GUCY2C: variants seen among roughly 807,000 people sequenced by gnomAD.
GUCY2C encodes guanylyl cyclase C.
GUCY2C carries 118 observed loss-of-function variants against 131.1 expected under a neutral mutation model. The ratio of observed to expected loss-of-function variants is 0.90; its 90% CI spans 0.78 to 1.05. GUCY2C has a LOEUF of 1.05. Ranked by LOEUF, GUCY2C falls within the 50% of genes least tolerant of loss-of-function variation. GUCY2C has a pLI of 0.00. For missense variants in GUCY2C, 1,161 were observed against 1,304.4 expected (o/e 0.89, Z 1.69); for synonymous variants, 452 against 457.8 (o/e 0.99, Z 0.16).
intron 19 of GUCY2C, among the ~76,000 whole-genome samples, chr12:14,634,866 G>C (rs1947228718): frequency 6.6e-6 from 1 of 152,044 alleles, no homozygotes; most frequent in African/African-American, 2.4e-5. Flanking sequence ...AGAGACAAAG[G>C]TCATAGGTCA....
At chr12:14,669,006 T>G (rs1948043060) in intron 10 of GUCY2C, among the ~76,000 whole-genome samples, 1 of 152,154 alleles carries the variant, frequency 6.6e-6, no homozygotes, top group South Asian at 2.1e-4. Context: ...ATGTCAAGTA[T>G]TTCTTGCTGA....
At position 14,643,555 on chromosome 12, in the gene GUCY2C, C is replaced by T. The variant is rs147225893; in HGVS notation, c.1930+19G>A. The T allele has an allele frequency of 4.3e-6, 7 of 1,611,354 alleles. No homozygotes were observed. Among genetic ancestry groups the T allele is most frequent in the East Asian group, 2.2e-5 (1 of 44,844 alleles). ...AAAAATCAGTTAGGAAACTAGTGAA[C>T]ATTTCATTCATTACAGACCCTTTTT... On this transcript the variant is annotated intron_variant, in intron 17 of 26. Transcript: ENST00000261170.
At chr12:14,652,181 A>ATTTATTTT (rs1009915741) in intron 13 of GUCY2C, 151 bp from the exon 14 acceptor site, 11 of 235,648 alleles carry the variant, frequency 4.7e-5, no homozygotes, top group Non-Finnish European at 8.7e-5. Context: ...TTATTTATTT[A>ATTTATTTT]TTTATTTTTT....
intron 18 of GUCY2C, 51 bp downstream of exon 18, chr12:14,641,031 A>C (rs1363522408): frequency 6.3e-7 from 1 of 1,579,090 alleles, no homozygotes. Context: ...TAAGCCTAGA[A>C]AGCAGGTTGG....
At chr12:14,692,948 A>G (rs1280367083) in intron 1 of GUCY2C, among the ~76,000 whole-genome samples, 2 of 152,120 alleles carry the variant, frequency 1.3e-5, no homozygotes, top group Non-Finnish European at 2.9e-5. Flanking sequence ...TTTTACTTTT[A>G]TGTGTACTGC....
chr12:14,686,230 A>G lies in GUCY2C; in HGVS notation c.331-5T>C, dbSNP rs182209628. ...ACAGCCCATCCGTTGTGCATTCTGT[A>G]GGAGAGAAAACAACAATGAATTCCT... On this transcript the variant is annotated splice_region_variant and splice_polypyrimidine_tract_variant and intron_variant, in intron 2 of 26. Coordinates refer to ENST00000261170, the MANE Select transcript of GUCY2C (RefSeq NM_004963.4). 8.8e-4 allele frequency: 1,398 copies of G among 1,596,438 alleles called. 3 individuals carry two copies. The highest frequency in any genetic ancestry group is 9.5e-4 in the Non-Finnish European group (1,102 of 1,164,080).
chr12:14,622,509 C>G (rs537622902), intron 21 of GUCY2C, among the ~76,000 whole-genome samples: 1 of 152,166 alleles, frequency 6.6e-6, no homozygotes, highest in Non-Finnish European at 1.5e-5. Context: ...CATATACATA[C>G]TTGTCCACTT....
Position 14,623,076 on chromosome 12 carries a change from T to C in GUCY2C, c.2409-879A>G, listed in dbSNP as rs541088964. Among the ~76,000 whole-genome samples, 8 of 152,222 alleles carry C rather than the reference T, an allele frequency of 5.3e-5. No homozygotes were observed. In the East Asian group the frequency reaches 1.4e-3, roughly 26 times the overall value. Reference sequence around the variant, plus strand: ...TGGAAGCTGGGAGGTTCCACGGAAGTCATTGAAAAGAAATCTTTATTTTTA... The same window carrying C: ...TGGAAGCTGGGAGGTTCCACGGAAGCCATTGAAAAGAAATCTTTATTTTTA... On this transcript the variant is annotated intron_variant, in intron 21 of 26. Coordinates refer to ENST00000261170, the MANE Select transcript of GUCY2C (RefSeq NM_004963.4).
rs772736039 is a variant in GUCY2C, at chr12:14,619,624, A to C, written c.2777-315T>G. On this transcript the variant is annotated intron_variant, in intron 23 of 26. Coordinates refer to ENST00000261170, the MANE Select transcript of GUCY2C (RefSeq NM_004963.4). ...AAGGCTCTCAGGAAGGATGAAGATG[A>C]GCCCCACTGCTTGCTTACTGTGCCA... 5.5e-5 allele frequency: 15 copies of C among 275,156 alleles called. 1 individual carries two copies. Among genetic ancestry groups the C allele is most frequent in the Non-Finnish European group, 9.6e-5 (14 of 145,312 alleles). 17.0% of individuals were successfully genotyped at this position (275,156 alleles called of 1,614,324 possible). A position where few individuals can be genotyped will look rare whatever the true frequency, so the allele number is the denominator to read the frequency against.
chr12:14,689,898 C>T (rs1473503103), intron 1 of GUCY2C, among the ~76,000 whole-genome samples: 2 of 152,218 alleles, frequency 1.3e-5, no homozygotes, highest in African/African-American at 4.8e-5. Flanking sequence ...TTCCCTGCAG[C>T]TGTACCCACA....
At position 14,621,037 on chromosome 12, in the gene GUCY2C, C is replaced by T. The variant is rs1302781496; in HGVS notation, c.2776+5G>A. On this transcript the variant is annotated splice_donor_5th_base_variant and intron_variant, in intron 23 of 26. Transcript: ENST00000261170. ...CCCAATTTGCTAAGATGCTCAACTC[C>T]ATACCAGAGTGAACTCCAATGCGAA... The T allele has an allele frequency of 2.5e-6, 4 of 1,612,484 alleles. No individual in the cohort carries two copies. The highest frequency in any genetic ancestry group is 3.4e-6 in the Non-Finnish European group (4 of 1,178,892).
intron 11 of GUCY2C, among the ~76,000 whole-genome samples, chr12:14,657,187 G>A (rs553997253): frequency 6.6e-6 from 1 of 152,180 alleles, no homozygotes; most frequent in South Asian, 2.1e-4. Flanking sequence ...TTTTCACTAA[G>A]GCAGTCCTTC....
At chr12:14,653,843 T>C (rs1300415485) in intron 12 of GUCY2C, among the ~76,000 whole-genome samples, 1 of 152,240 alleles carries the variant, frequency 6.6e-6, no homozygotes, top group Non-Finnish European at 1.5e-5. Flanking sequence ...CAAATGTCAG[T>C]TATCATCATT....
intron 5 of GUCY2C, among the ~76,000 whole-genome samples, chr12:14,680,851 C>G (rs1269224066): frequency 2.6e-5 from 4 of 152,088 alleles, no homozygotes; most frequent in African/African-American, 9.7e-5. Flanking sequence ...TACTTGGTCT[C>G]TAGCTGGTAG....
chr12:14,615,385 T>A (rs1946737835), intron 25 of GUCY2C, among the ~76,000 whole-genome samples: 1 of 151,980 alleles, frequency 6.6e-6, no homozygotes, highest in Non-Finnish European at 1.5e-5. Context: ...TTCCCTATCT[T>A]ATTACAAACA....
At chr12:14,693,554 A>G (rs903657876) in intron 1 of GUCY2C, among the ~76,000 whole-genome samples, 5 of 152,212 alleles carry the variant, frequency 3.3e-5, no homozygotes, top group African/African-American at 9.6e-5. Flanking sequence ...CCTGAGATAT[A>G]TTGTCTTATA....
At chr12:14,669,230 G>T (rs1948049748) in intron 10 of GUCY2C, among the ~76,000 whole-genome samples, 1 of 144,830 alleles carries the variant, frequency 6.9e-6, no homozygotes. Flanking sequence ...TTTTGAGACA[G>T]GATCTCACTC....
chr12:14,666,173 T>C (rs1947975822), intron 10 of GUCY2C, among the ~76,000 whole-genome samples: 1 of 152,226 alleles, frequency 6.6e-6, no homozygotes, highest in South Asian at 2.1e-4. Flanking sequence ...CCTCTCACCC[T>C]AATCTTTTAT....
chr12:14,643,982 G>C (rs188877363), intron 16 of GUCY2C, among the ~76,000 whole-genome samples: 1 of 152,124 alleles, frequency 6.6e-6, no homozygotes, highest in African/African-American at 2.4e-5. Context: ...GAGGCAAAGG[G>C]TTGATTTTTT....
Sources: allele counts gnomAD v4.1 joint callset (sites outside exome capture counted in the v4.1 genomes callset), GRCh38; gene constraint gnomAD v4.1.1; transcripts MANE v1.5; gene names NCBI Gene and HGNC (gene_info 2026-07-23, HGNC 2026-07-21).